CUL3: variants seen among roughly 807,000 people sequenced by gnomAD.
CUL3 encodes the protein cullin 3, also known as cullin-3.
In CUL3, 19 loss-of-function variants were observed where a neutral mutation model predicts 89.1. The ratio of observed to expected loss-of-function variants is 0.21; its 90% CI spans 0.15 to 0.31. The LOEUF (loss-of-function observed/expected upper bound fraction) is 0.31. Ranked by LOEUF, CUL3 falls within the 10% of genes least tolerant of loss-of-function variation. The probability of loss-of-function intolerance (pLI) is 1.00; values close to 1 mark genes in which losing one functional copy is unlikely to be tolerated. For missense variants in CUL3, 469 were observed against 942.3 expected (o/e 0.50, Z 6.58); for synonymous variants, 351 against 308.4 (o/e 1.14, Z -1.45).
chr2:224,555,340 G>A (rs913443936), intron 2 of CUL3, among the ~76,000 whole-genome samples: 1 of 152,012 alleles, frequency 6.6e-6, no homozygotes, highest in Non-Finnish European at 1.5e-5. Flanking sequence ...TAGAATTTCT[G>A]ACATCATCCA....
chr2:224,474,570 G>A, intron 15 of CUL3, 194 bp from the exon 16 acceptor site: 1 of 519,912 alleles, frequency 1.9e-6, no homozygotes, highest in Non-Finnish European at 3.4e-6. Context: ...CCTCAAATCA[G>A]AATGTGAATG....
At chr2:224,533,978 T>C (rs531432235) in intron 3 of CUL3, among the ~76,000 whole-genome samples, 3 of 152,190 alleles carry the variant, frequency 2.0e-5, no homozygotes, top group South Asian at 4.1e-4. Context: ...TGCTTTATTC[T>C]ACCAAGTAAA....
At chr2:224,583,190 C>G (rs1695482948) in intron 1 of CUL3, among the ~76,000 whole-genome samples, 1 of 152,042 alleles carries the variant, frequency 6.6e-6, no homozygotes, top group South Asian at 2.1e-4. Context: ...CCAGCCTGAC[C>G]AACATGGAGA....
chr2:224,578,788 A>G (rs764415661), intron 1 of CUL3, among the ~76,000 whole-genome samples: 2 of 152,170 alleles, frequency 1.3e-5, no homozygotes, highest in Non-Finnish European at 2.9e-5. Context: ...CAGGACTACT[A>G]AAGACCATCC....
intron 6 of CUL3, among the ~76,000 whole-genome samples, chr2:224,509,325 C>A (rs1692725558): frequency 6.6e-6 from 1 of 152,254 alleles, no homozygotes; most frequent in Admixed American, 6.5e-5. Flanking sequence ...TTCAAATGAT[C>A]CTCTCACCTC....
At position 224,557,596 on chromosome 2, in the gene CUL3, T is replaced by C. The variant is rs549262662; in HGVS notation, c.264+63A>G. The C allele has an allele frequency of 2.9e-4, 334 of 1,160,988 alleles. 3 individuals carry two copies. Among genetic ancestry groups the C allele is most frequent in the Middle Eastern group, 1.2e-3 (4 of 3,430 alleles). The allele number at this position is 1,160,988 out of a possible 1,614,324, so 71.9% of individuals were successfully genotyped here. A position where few individuals can be genotyped will look rare whatever the true frequency, so the allele number is the denominator to read the frequency against. On this transcript the variant is annotated intron_variant, in intron 2 of 15. Coordinates refer to ENST00000264414, the MANE Select transcript of CUL3 (RefSeq NM_003590.5). ...AAGAACACTTCCGGTCAAAGTGCAA[T>C]ATGGTATAAAGGATTTTCTACATTC...
chr2:224,548,899 G>A (rs1354562773), intron 2 of CUL3, among the ~76,000 whole-genome samples: 2 of 151,864 alleles, frequency 1.3e-5, no homozygotes, highest in East Asian at 3.9e-4. Flanking sequence ...CTATGTAGGA[G>A]GCTGAAGTGA....
chr2:224,495,723 TA>T, intron 13 of CUL3, 108 bp downstream of exon 13: 2 of 877,214 alleles, frequency 2.3e-6, no homozygotes, highest in South Asian at 3.7e-5. Context: ...CAGTTTTCTC[TA>T]AAAGTACCCA....
chr2:224,527,847 C>T lies in CUL3; in HGVS notation c.378+7681G>A, dbSNP rs533796538. ...CAGCACAGACCCACAGCAACCATTTCAAAAACGCTACTATCTTAGAATTCT... is the reference window on the plus strand; with the variant it reads ...CAGCACAGACCCACAGCAACCATTTTAAAAACGCTACTATCTTAGAATTCT... On this transcript the variant is annotated intron_variant, in intron 3 of 15. Coordinates refer to ENST00000264414, the MANE Select transcript of CUL3 (RefSeq NM_003590.5). Among the ~76,000 whole-genome samples the T allele has an allele frequency of 1.4e-3, 215 of 152,314 alleles. 1 individual carries two copies. The highest frequency in any genetic ancestry group is 4.9e-3 in the African/African-American group (202 of 41,564).
intron 2 of CUL3, among the ~76,000 whole-genome samples, chr2:224,553,549 T>C (rs1694595755): frequency 6.6e-6 from 1 of 152,228 alleles, no homozygotes; most frequent in African/African-American, 2.4e-5. Context: ...TGTTATGGAC[T>C]GAATGTTTGT....
At chr2:224,565,154 T>C (rs1480474234) in intron 1 of CUL3, among the ~76,000 whole-genome samples, 1 of 152,200 alleles carries the variant, frequency 6.6e-6, no homozygotes, top group East Asian at 1.9e-4. Flanking sequence ...GACCCAAAGC[T>C]TTACCAATAA....
At chr2:224,544,176 A>G (rs1453818473) in intron 2 of CUL3, among the ~76,000 whole-genome samples, 1 of 152,160 alleles carries the variant, frequency 6.6e-6, no homozygotes, top group Non-Finnish European at 1.5e-5. Context: ...ATCATGTTCC[A>G]CTGCAATGCC....
chr2:224,474,215 C>A lies in CUL3; in HGVS notation c.*30G>T. 1 of 1,608,852 alleles carries A rather than the reference C, an allele frequency of 6.2e-7. No individual in the cohort carries two copies. Among genetic ancestry groups the A allele is most frequent in the South Asian group, 1.1e-5 (1 of 90,310 alleles). On this transcript the variant is annotated 3_prime_UTR_variant, in exon 16 of 16. Coordinates refer to ENST00000264414, the MANE Select transcript of CUL3 (RefSeq NM_003590.5). ...TCCCAGTCCATGCGAAGAGTACAGTCCAAGAATAAATCAAATTTCTGAACG... is the reference window on the plus strand; with the variant it reads ...TCCCAGTCCATGCGAAGAGTACAGTACAAGAATAAATCAAATTTCTGAACG...
Position 224,472,931 on chromosome 2 carries a change from C to T in CUL3, c.*1314G>A. On this transcript the variant is annotated 3_prime_UTR_variant, in exon 16 of 16. Coordinates refer to ENST00000264414, the MANE Select transcript of CUL3 (RefSeq NM_003590.5). Reference sequence around the variant, plus strand: ...TTTCATTTTTCTATCCAACAGAAATCTATAGTGGTTTGCCCCATTACATAT... The same window carrying T: ...TTTCATTTTTCTATCCAACAGAAATTTATAGTGGTTTGCCCCATTACATAT... The T allele has an allele frequency of 4.7e-6, 1 of 211,194 alleles. No individual in the cohort carries two copies. Among genetic ancestry groups the T allele is most frequent in the Non-Finnish European group, 9.6e-6 (1 of 103,816 alleles). 13.1% of individuals were successfully genotyped at this position (211,194 alleles called of 1,614,324 possible).
intron 1 of CUL3, among the ~76,000 whole-genome samples, chr2:224,564,313 C>T (rs1196058078): frequency 6.6e-6 from 1 of 152,138 alleles, no homozygotes; most frequent in Non-Finnish European, 1.5e-5. Context: ...TTCTTCTATC[C>T]ACGAAACTGT....
intron 3 of CUL3, among the ~76,000 whole-genome samples, chr2:224,521,433 C>CTT (rs768599132): frequency 6.4e-5 from 9 of 140,642 alleles, no homozygotes; most frequent in African/African-American, 1.3e-4. Flanking sequence ...TTTCATACTT[C>CTT]TTTTTTTTTT....
chr2:224,541,152 ACT>A (rs1206433541), intron 2 of CUL3, among the ~76,000 whole-genome samples: 1 of 152,152 alleles, frequency 6.6e-6, no homozygotes, highest in Admixed American at 6.5e-5. Context: ...TGTAGACACC[ACT>A]GAGACAGTAA....
intron 5 of CUL3, 45 bp downstream of exon 5, chr2:224,513,479 T>C: frequency 8.1e-7 from 1 of 1,235,456 alleles, no homozygotes; most frequent in Non-Finnish European, 1.2e-6. Context: ...TAAATAACAT[T>C]AAGAACATCT....
At chr2:224,487,509 G>A (rs957849459) in intron 13 of CUL3, among the ~76,000 whole-genome samples, 19 of 135,942 alleles carry the variant, frequency 1.4e-4, no homozygotes, top group African/African-American at 4.3e-4. Flanking sequence ...AGACAAAGAA[G>A]GGCATTACAT....
Sources: gnomAD v4.1 joint callset for allele counts (sites outside exome capture counted in the v4.1 genomes callset) on GRCh38, gnomAD v4.1.1 for gene constraint, MANE v1.5 for transcripts, NCBI Gene and HGNC (gene_info 2026-07-23, HGNC 2026-07-21) for gene names.